ANO2: variants seen among roughly 807,000 people sequenced by gnomAD.
The protein encoded by ANO2 is anoctamin-2.
In ANO2, 101 loss-of-function variants were observed where a neutral mutation model predicts 124.2. That is an observed-to-expected ratio of 0.81 (90% CI 0.69 to 0.96). ANO2 has a LOEUF of 0.96. Among genes scored for constraint, ANO2 ranks in the 40% least tolerant of loss-of-function variants. ANO2 has a pLI of 0.00. For missense variants in ANO2, 1,293 were observed against 1,274.5 expected, an observed-to-expected ratio of 1.01 and a Z score of -0.22; for synonymous variants, 486 against 482.5, an observed-to-expected ratio of 1.01 and a Z score of -0.09.
chr12:5,903,678 G>T (rs200753043), intron 3 of ANO2, among the ~76,000 whole-genome samples: 7 of 108,598 alleles, frequency 6.4e-5, no homozygotes, highest in Non-Finnish European at 1.4e-4. Context: ...TGTGTGTGTG[G>T]GTGTAGACAG....
intron 14 of ANO2, among the ~76,000 whole-genome samples, chr12:5,729,810 A>G (rs1950567897): frequency 6.6e-6 from 1 of 152,228 alleles, no homozygotes; most frequent in South Asian, 2.1e-4. Flanking sequence ...TCCACAATAT[A>G]GAATATTATT....
intron 16 of ANO2, among the ~76,000 whole-genome samples, chr12:5,631,791 A>C (rs1426650746): frequency 1.3e-5 from 2 of 152,188 alleles, no homozygotes; most frequent in Non-Finnish European, 2.9e-5. Flanking sequence ...TGAGTGGGTC[A>C]GTTGGGGTGG....
At position 5,910,236 on chromosome 12, in the gene ANO2, G is replaced by A. The variant is rs543669109; in HGVS notation, c.534+10804C>T. On this transcript the variant is annotated intron_variant, in intron 3 of 24. Coordinates refer to ENST00000682330, the MANE Select transcript of ANO2 (RefSeq NM_001364791.2). ...ACTCTGTCACCCAGGCTGGAGTGCAGTGGCACAATCTCGGCTGACTGCAAT... is the reference window on the plus strand; with the variant it reads ...ACTCTGTCACCCAGGCTGGAGTGCAATGGCACAATCTCGGCTGACTGCAAT... Among the ~76,000 whole-genome samples the A allele has an allele frequency of 5.9e-5, 9 of 152,344 alleles. No individual in the cohort carries two copies. In the South Asian group the frequency reaches 1.9e-3, roughly 32 times the overall value.
intron 10 of ANO2, among the ~76,000 whole-genome samples, chr12:5,790,786 T>C (rs1378625943): frequency 6.6e-6 from 1 of 152,186 alleles, no homozygotes; most frequent in African/African-American, 2.4e-5. Flanking sequence ...TTCCCCCTTC[T>C]TTGAGGCTTC....
At chr12:5,822,113 AAT>A (rs1387646881) in intron 7 of ANO2, among the ~76,000 whole-genome samples, 1 of 152,166 alleles carries the variant, frequency 6.6e-6, no homozygotes, top group Non-Finnish European at 1.5e-5. Context: ...AGTGAAGGGA[AAT>A]CTTCCCAGTG....
At chr12:5,735,715 C>G (rs1201061683) in intron 13 of ANO2, among the ~76,000 whole-genome samples, 3 of 152,112 alleles carry the variant, frequency 2.0e-5, no homozygotes, top group African/African-American at 7.2e-5. Context: ...GGGGGAAAAG[C>G]AGTCTGTGCA....
At chr12:5,885,939 C>G (rs896781378) in intron 3 of ANO2, among the ~76,000 whole-genome samples, 8 of 152,178 alleles carry the variant, frequency 5.3e-5, no homozygotes, top group African/African-American at 1.2e-4. Flanking sequence ...CACTGCTCTT[C>G]TCCATGGGCA....
At chr12:5,678,999 G>C (rs1948377706) in intron 14 of ANO2, among the ~76,000 whole-genome samples, 2 of 152,328 alleles carry the variant, frequency 1.3e-5, no homozygotes, top group African/African-American at 4.8e-5. Context: ...CAAGCATTCA[G>C]GGAGCCAGTT....
intron 14 of ANO2, among the ~76,000 whole-genome samples, chr12:5,707,355 T>C (rs762751577): frequency 6.6e-6 from 1 of 152,242 alleles, no homozygotes; most frequent in Non-Finnish European, 1.5e-5. Context: ...GGGCAGTTCT[T>C]TATAGTAGTG....
At chr12:5,742,662 G>A (rs1269076872) in intron 12 of ANO2, among the ~76,000 whole-genome samples, 1 of 152,224 alleles carries the variant, frequency 6.6e-6, no homozygotes, top group African/African-American at 2.4e-5. Context: ...TAGACCTGGA[G>A]TTATTAGGCT....
chr12:5,828,538 G>C (rs1318166072), intron 6 of ANO2, among the ~76,000 whole-genome samples: 1 of 152,164 alleles, frequency 6.6e-6, no homozygotes, highest in Non-Finnish European at 1.5e-5. Context: ...TCCCTGATCA[G>C]AGCATATCAT....
At chr12:5,917,173 A>G (rs190977552) in intron 3 of ANO2, among the ~76,000 whole-genome samples, 6 of 152,264 alleles carry the variant, frequency 3.9e-5, no homozygotes, top group Non-Finnish European at 7.4e-5. Context: ...TTGCCCTCCA[A>G]ATTCCCAGCC....
intron 16 of ANO2, among the ~76,000 whole-genome samples, chr12:5,634,288 TAGG>T (rs1377863351): frequency 1.3e-5 from 2 of 152,018 alleles, no homozygotes; most frequent in African/African-American, 4.8e-5. Context: ...CTCCAGTCAT[TAGG>T]AGAAGGCTCT....
At chr12:5,595,443 G>A (rs529894528) in intron 20 of ANO2, among the ~76,000 whole-genome samples, 2 of 150,350 alleles carry the variant, frequency 1.3e-5, no homozygotes, top group East Asian at 3.9e-4. Flanking sequence ...GGCTCATCTT[G>A]AGCTCCTGGC....
At chr12:5,676,114 A>G (rs1948229378) in intron 14 of ANO2, among the ~76,000 whole-genome samples, 1 of 152,220 alleles carries the variant, frequency 6.6e-6, no homozygotes, top group Non-Finnish European at 1.5e-5. Flanking sequence ...CTTCCCAGTC[A>G]CAGGATCAAG....
At chr12:5,828,138 C>T (rs1954041208) in intron 6 of ANO2, among the ~76,000 whole-genome samples, 1 of 152,172 alleles carries the variant, frequency 6.6e-6, no homozygotes, top group Admixed American at 6.5e-5. Context: ...CACCCCAGAC[C>T]ACATAGCCTC....
chr12:5,577,883 C>G, intron 22 of ANO2, 72 bp downstream of exon 22: 1 of 1,498,082 alleles, frequency 6.7e-7, no homozygotes, highest in Non-Finnish European at 9.2e-7. Flanking sequence ...GGCTGGCTTC[C>G]CACTTTGAAG....
At chr12:5,600,476 G>T (rs1236544437) in intron 19 of ANO2, among the ~76,000 whole-genome samples, 2 of 152,196 alleles carry the variant, frequency 1.3e-5, no homozygotes, top group African/African-American at 4.8e-5. Context: ...GGTGTAGAAT[G>T]ATAATAATGG....
chr12:5,668,496 C>T (rs1460717924), intron 14 of ANO2, among the ~76,000 whole-genome samples: 1 of 152,122 alleles, frequency 6.6e-6, no homozygotes, highest in Non-Finnish European at 1.5e-5. Flanking sequence ...ACTCTGTAGG[C>T]TGCCTGCTCA....
Sources: gnomAD v4.1 joint callset for allele counts (sites outside exome capture counted in the v4.1 genomes callset) on GRCh38, gnomAD v4.1.1 for gene constraint, MANE v1.5 for transcripts, NCBI Gene and HGNC (gene_info 2026-07-23, HGNC 2026-07-21) for gene names.